The following ROBO2 variants were observed in gnomAD, a reference collection of about 807,000 sequenced individuals.
ROBO2 encodes roundabout guidance receptor 2, also known as roundabout homolog 2.
Under a neutral mutation model 160.8 loss-of-function variants are expected in ROBO2, and 53 were observed. The ratio of observed to expected loss-of-function variants is 0.33; its 90% CI spans 0.26 to 0.41. The LOEUF (loss-of-function observed/expected upper bound fraction) is 0.41, where lower values mean the gene tolerates loss of function less well. Ranked by LOEUF, ROBO2 falls within the 10% of genes least tolerant of loss-of-function variation. The pLI is 1.00. For synonymous variants in ROBO2, 664 were observed against 611.7 expected, an observed-to-expected ratio of 1.09 and a Z score of -1.26; for missense variants, 1,577 against 1,722.4, an observed-to-expected ratio of 0.92 and a Z score of 1.49.
chr3:76,614,093 C>G (rs1282106455), intron 2 of ROBO2, among the ~76,000 whole-genome samples: 3 of 151,988 alleles, frequency 2.0e-5, no homozygotes, highest in Non-Finnish European at 2.9e-5. Flanking sequence ...CTTAAAGCCA[C>G]CACAGCAAAT....
At chr3:76,755,358 A>G (rs567817998) in intron 2 of ROBO2, among the ~76,000 whole-genome samples, 34 of 151,950 alleles carry the variant, frequency 2.2e-4, no homozygotes, top group African/African-American at 7.0e-4. Flanking sequence ...AAGTGCTAAG[A>G]GACATCTACC....
chr3:77,245,411 G>A (rs1396868478), intron 2 of ROBO2, among the ~76,000 whole-genome samples: 1 of 152,120 alleles, frequency 6.6e-6, no homozygotes, highest in African/African-American at 2.4e-5. Context: ...GAAAACCAGG[G>A]GAGGATTTTC....
intron 1 of ROBO2, among the ~76,000 whole-genome samples, chr3:77,093,770 C>T (rs1267961781): frequency 6.6e-6 from 1 of 152,048 alleles, no homozygotes; most frequent in Non-Finnish European, 1.5e-5. Context: ...CTTTCTCTCT[C>T]TCTCTCTAAT....
Position 76,011,837 on chromosome 3 carries a change from A to C in ROBO2, c.109+74235A>C, listed in dbSNP as rs117821010. Among the ~76,000 whole-genome samples the C allele has an allele frequency of 1.6e-3, 239 of 152,262 alleles. 1 individual carries two copies. The East Asian group carries it at 0.039, about 25-fold the overall frequency. ...GCAATATCACCCAGTGACTCGATGCAATCAAATGTGTATATGTAGACATTG... is the reference window on the plus strand; with the variant it reads ...GCAATATCACCCAGTGACTCGATGCCATCAAATGTGTATATGTAGACATTG... On this transcript the variant is annotated intron_variant, in intron 2 of 26. Transcript: ENST00000487694.
At chr3:77,049,533 A>G (rs1347960109) in intron 1 of ROBO2, among the ~76,000 whole-genome samples, 2 of 152,216 alleles carry the variant, frequency 1.3e-5, no homozygotes, top group Non-Finnish European at 2.9e-5. Context: ...ATTAATGACC[A>G]GTGGTACTTA....
At chr3:77,175,800 T>C (rs766590437) in intron 2 of ROBO2, among the ~76,000 whole-genome samples, 1 of 152,032 alleles carries the variant, frequency 6.6e-6, no homozygotes, top group Non-Finnish European at 1.5e-5. Context: ...CAAATCAGCC[T>C]GAATATTTAT....
intron 2 of ROBO2, among the ~76,000 whole-genome samples, chr3:76,730,215 A>C (rs1576287523): frequency 1.8e-4 from 12 of 68,018 alleles, no homozygotes; most frequent in South Asian, 9.9e-4. Context: ...CTCACCTCCT[A>C]CTCCCTACCC....
chr3:76,197,450 A>G (rs1234685604), intron 2 of ROBO2, among the ~76,000 whole-genome samples: 2 of 151,984 alleles, frequency 1.3e-5, no homozygotes, highest in Admixed American at 6.6e-5. Context: ...TTGGGGAGTG[A>G]TAATCCACTG....
intron 2 of ROBO2, among the ~76,000 whole-genome samples, chr3:77,337,904 A>G (rs951489150): frequency 4.6e-5 from 7 of 152,176 alleles, no homozygotes; most frequent in African/African-American, 1.7e-4. Flanking sequence ...AAAACATTCC[A>G]GCTTGACTCC....
At chr3:76,179,792 A>G (rs1255492067) in intron 2 of ROBO2, among the ~76,000 whole-genome samples, 1 of 152,108 alleles carries the variant, frequency 6.6e-6, no homozygotes, top group Non-Finnish European at 1.5e-5. Context: ...GGTTTTTCCT[A>G]TATTATACTT....
At chr3:76,839,941 A>G (rs1444520845) in intron 2 of ROBO2, among the ~76,000 whole-genome samples, 2 of 152,168 alleles carry the variant, frequency 1.3e-5, no homozygotes, top group African/African-American at 4.8e-5. Context: ...TAGATTTTCT[A>G]ATTTATTCAC....
intron 2 of ROBO2, among the ~76,000 whole-genome samples, chr3:76,364,417 A>T (rs944340982): frequency 2.0e-5 from 3 of 152,018 alleles, no homozygotes; most frequent in Non-Finnish European, 2.9e-5. Flanking sequence ...GCTTCATGAA[A>T]GCAAGCACTT....
chr3:77,321,241 G>T (rs1030688192), intron 2 of ROBO2, among the ~76,000 whole-genome samples: 4 of 152,078 alleles, frequency 2.6e-5, no homozygotes, highest in Non-Finnish European at 5.9e-5. Context: ...TTTAGGCTGG[G>T]CACAGTGGCT....
chr3:77,503,523 C>CTAAATAAATAAATAAA (rs567091666), intron 5 of ROBO2, among the ~76,000 whole-genome samples: 8 of 144,560 alleles, frequency 5.5e-5, no homozygotes, highest in Admixed American at 4.2e-4. Context: ...GAGTCCGTCT[C>CTAAATAAATAAATAAA]TAAATAAATA....
intron 2 of ROBO2, among the ~76,000 whole-genome samples, chr3:77,161,222 T>A (rs1359260489): frequency 1.3e-5 from 2 of 152,198 alleles, no homozygotes; most frequent in African/African-American, 4.8e-5. Flanking sequence ...TAATAATAAT[T>A]ATGTGTTTGG....
intron 2 of ROBO2, among the ~76,000 whole-genome samples, chr3:77,269,098 T>TA (rs1196870319): frequency 7.3e-6 from 1 of 136,764 alleles, no homozygotes; most frequent in African/African-American, 2.6e-5. Context: ...TGTGTTGGTA[T>TA]AAAAAATAGG....
At chr3:76,591,354 A>G (rs1217643110) in intron 2 of ROBO2, among the ~76,000 whole-genome samples, 5 of 152,122 alleles carry the variant, frequency 3.3e-5, no homozygotes, top group African/African-American at 1.2e-4. Flanking sequence ...CTCTCAATAG[A>G]GGCAGATGAA....
intron 2 of ROBO2, among the ~76,000 whole-genome samples, chr3:77,451,212 A>G (rs1272956673): frequency 1.3e-5 from 2 of 152,136 alleles, no homozygotes; most frequent in African/African-American, 4.8e-5. Context: ...AAGTTTCACT[A>G]AGCAGCATTT....
chr3:76,122,121 C>T (rs1445184927), intron 2 of ROBO2, among the ~76,000 whole-genome samples: 1 of 152,202 alleles, frequency 6.6e-6, no homozygotes, highest in Non-Finnish European at 1.5e-5. Context: ...TTTTGTAACT[C>T]AACTTCCTCA....
Sources: allele counts gnomAD v4.1 joint callset (sites outside exome capture counted in the v4.1 genomes callset), GRCh38; gene constraint gnomAD v4.1.1; transcripts MANE v1.5; gene names NCBI Gene and HGNC (gene_info 2026-07-23, HGNC 2026-07-21).